The following FIRRM variants were observed in gnomAD, a reference collection of about 807,000 sequenced individuals.
FIRRM encodes FIGNL1 interacting regulator of recombination and mitosis, also known as FIGNL1-interacting regulator of recombination and mitosis.
chr1:169,793,599 G>T, the FIRRM span: 1 of 1,614,176 alleles, frequency 6.2e-7, no homozygotes, highest in Non-Finnish European at 8.5e-7. Context: ...GAGACTGACA[G>T]CTCTTTTGAG....
At chr1:169,824,481 G>A in the FIRRM span, among the ~76,000 whole-genome samples, 4 of 152,012 alleles carry the variant, frequency 2.6e-5, no homozygotes, top group Admixed American at 6.6e-5. Flanking sequence ...TACAAATACC[G>A]TCTCGTTTCT....
At chr1:169,842,683 T>G in the FIRRM span, 2 of 890,218 alleles carry the variant, frequency 2.2e-6, no homozygotes, top group South Asian at 3.8e-5. Flanking sequence ...TTAAAGTACC[T>G]GTACTCTCTC....
the FIRRM span, among the ~76,000 whole-genome samples, chr1:169,789,396 C>A: frequency 6.6e-6 from 1 of 152,210 alleles, no homozygotes; most frequent in Non-Finnish European, 1.5e-5. Context: ...GACCCTATAG[C>A]AGATGTGTCA....
At chr1:169,844,898 TTC>T in the FIRRM span, among the ~76,000 whole-genome samples, 1 of 152,182 alleles carries the variant, frequency 6.6e-6, no homozygotes, top group African/African-American at 2.4e-5. Context: ...GATTATGGCC[TTC>T]TGTCTAAATT....
At chr1:169,796,264 A>G in the FIRRM span, among the ~76,000 whole-genome samples, 4 of 152,212 alleles carry the variant, frequency 2.6e-5, no homozygotes, top group African/African-American at 4.8e-5. Flanking sequence ...AAACATTCAA[A>G]AACACTTAAA....
chr1:169,810,373 G>C, the FIRRM span, among the ~76,000 whole-genome samples: 319 of 152,146 alleles, frequency 2.1e-3, no homozygotes, highest in Non-Finnish European at 3.5e-3. Flanking sequence ...AAACTAGGTG[G>C]CTTAAAACAA....
chr1:169,793,944 A>C, the FIRRM span: 1 of 371,698 alleles, frequency 2.7e-6, no homozygotes, highest in Non-Finnish European at 4.8e-6. Flanking sequence ...TGATTAAAGC[A>C]AAATGGCACA....
At chr1:169,785,658 A>G in the FIRRM span, among the ~76,000 whole-genome samples, 1 of 151,860 alleles carries the variant, frequency 6.6e-6, no homozygotes, top group African/African-American at 2.4e-5. Flanking sequence ...CTCTCTCTGG[A>G]GCCTGGAATT....
the FIRRM span, chr1:169,795,814 A>C: frequency 5.1e-6 from 5 of 981,546 alleles, no homozygotes; most frequent in East Asian, 3.5e-4. Context: ...ACAAGTTCTC[A>C]CTCCTCTCAC....
At chr1:169,844,294 G>A in the FIRRM span, among the ~76,000 whole-genome samples, 1 of 152,230 alleles carries the variant, frequency 6.6e-6, no homozygotes, top group Non-Finnish European at 1.5e-5. Context: ...TGCCTCAGCT[G>A]TGCCTTTCTT....
At chr1:169,823,492 A>G in the FIRRM span, 52 of 1,517,496 alleles carry the variant, frequency 3.4e-5, no homozygotes, top group Middle Eastern at 8.5e-4. Flanking sequence ...ATGCCATATG[A>G]TTATTAAGAT....
At chr1:169,813,226 C>A in the FIRRM span, among the ~76,000 whole-genome samples, 4 of 152,208 alleles carry the variant, frequency 2.6e-5, no homozygotes, top group East Asian at 5.8e-4. Flanking sequence ...ACGTCAGACA[C>A]TGTTTAAATC....
the FIRRM span, among the ~76,000 whole-genome samples, chr1:169,819,059 G>A: frequency 2.6e-5 from 4 of 152,136 alleles, no homozygotes; most frequent in African/African-American, 9.7e-5. Context: ...GAAAGCATGC[G>A]GTTTCTACAG....
chr1:169,820,405 C>T, the FIRRM span, among the ~76,000 whole-genome samples: 1 of 152,190 alleles, frequency 6.6e-6, no homozygotes, highest in Non-Finnish European at 1.5e-5. Context: ...TGATTCTGTA[C>T]ATGCCTAATC....
At chr1:169,787,290 C>CA in the FIRRM span, among the ~76,000 whole-genome samples, 2 of 152,138 alleles carry the variant, frequency 1.3e-5, no homozygotes, top group African/African-American at 4.8e-5. Flanking sequence ...TTTCCTTGGC[C>CA]AAAATTTAGT....
At chr1:169,801,982 G>A in the FIRRM span, among the ~76,000 whole-genome samples, 1 of 152,110 alleles carries the variant, frequency 6.6e-6, no homozygotes, top group Non-Finnish European at 1.5e-5. Flanking sequence ...ACAGGCCTAT[G>A]GGAAACAGTA....
the FIRRM span, among the ~76,000 whole-genome samples, chr1:169,811,027 T>G: frequency 6.7e-6 from 1 of 149,968 alleles, no homozygotes; most frequent in South Asian, 2.1e-4. Context: ...GCCCGGCTAA[T>G]TTTTTTGTAT....
the FIRRM span, among the ~76,000 whole-genome samples, chr1:169,790,370 G>A: frequency 6.6e-6 from 1 of 152,012 alleles, no homozygotes; most frequent in Non-Finnish European, 1.5e-5. Flanking sequence ...ATTTTTAGTA[G>A]ACAAGGGGTT....
At chr1:169,793,223 A>T in the FIRRM span, 2 of 1,614,212 alleles carry the variant, frequency 1.2e-6, no homozygotes, top group Non-Finnish European at 1.7e-6. Context: ...AACACCTGTA[A>T]TCAGATCAGA....
Sources: gnomAD v4.1 joint callset for allele counts (sites outside exome capture counted in the v4.1 genomes callset) on GRCh38, gnomAD v4.1.1 for gene constraint, MANE v1.5 for transcripts, NCBI Gene and HGNC (gene_info 2026-07-23, HGNC 2026-07-21) for gene names.